Variants in IWS1 observed in about 807,000 individuals in gnomAD.
IWS1 encodes the protein interacts with SUPT6H, CTD assembly factor 1.
A neutral mutation model predicts 86.7 loss-of-function variants in IWS1; 27 were observed. That is an observed-to-expected ratio of 0.31 (90% confidence interval 0.23 to 0.43). The LOEUF (loss-of-function observed/expected upper bound fraction) is 0.43, where lower values mean the gene tolerates loss of function less well. Among genes scored for constraint, IWS1 ranks in the 20% least tolerant of loss-of-function variants. IWS1 has a pLI of 1.00. For missense variants in IWS1, 827 were observed against 1,000.8 expected (o/e 0.83, Z 2.34); for synonymous variants, 313 against 335.1 (o/e 0.93, Z 0.72).
chr2:127,520,907 G>T (rs1692058458), intron 2 of IWS1, among the ~76,000 whole-genome samples: 2 of 152,232 alleles, frequency 1.3e-5, no homozygotes, highest in African/African-American at 4.8e-5. Flanking sequence ...TACGCTTATT[G>T]AGAATCTTTA....
Position 127,489,847 on chromosome 2 carries a change from CGTT to C in IWS1, c.2141_2143del (p.Gln714del). The C allele has an allele frequency of 6.3e-7, 1 of 1,599,542 alleles. No individual in the cohort carries two copies. Among genetic ancestry groups the C allele is most frequent in the Non-Finnish European group, 8.6e-7 (1 of 1,166,746 alleles). Reference sequence around the variant, plus strand: ...TCCCTCATACCTGTTCATTCTTCGTCGTTGAGGCATCTGTTCTAGATCTCTCTG... The same window carrying C: ...TCCCTCATACCTGTTCATTCTTCGTCGAGGCATCTGTTCTAGATCTCTCTG... On this transcript the variant is annotated inframe_deletion, in exon 11 of 14. Coordinates refer to ENST00000295321, the MANE Select transcript of IWS1 (RefSeq NM_017969.3). This position sits in a 1 kb window ranked among gnomAD's most constrained non-coding sequence, Gnocchi z 4.8.
intron 2 of IWS1, among the ~76,000 whole-genome samples, chr2:127,513,033 G>A (rs1031987351): frequency 1.1e-4 from 17 of 152,220 alleles, no homozygotes; most frequent in Non-Finnish European, 1.6e-4. Context: ...CTGAGGTCAG[G>A]AGTTCAAGAC....
Position 127,492,015 on chromosome 2 carries a change from G to C in IWS1, c.2003C>G (p.Pro668Arg). ...GRAVMYLYKH[P>R]KESRSNKDMA... ...GTCCTTGTTAGACCTTGACTCCTTG[G>C]GGTGTTTATAGAGATACATCACTGC... The change falls in exon 10 of 14, where the codon CCC (proline) becomes CGC (arginine). Residue 668 changes from proline to arginine, a missense_variant. Physicochemically the swap from Pro to Arg is moderately radical, Grantham distance 103 (BLOSUM62 -2). Transcript: ENST00000295321. 3 of 1,613,604 alleles carry C rather than the reference G, an allele frequency of 1.9e-6. No homozygotes were observed. The highest frequency in any genetic ancestry group is 1.7e-6 in the Non-Finnish European group (2 of 1,179,696).
chr2:127,490,025 G>A, intron 10 of IWS1, 82 bp from the exon 11 acceptor site: 2 of 765,666 alleles, frequency 2.6e-6, no homozygotes, highest in South Asian at 2.9e-5. Flanking sequence ...CAGTGTGAGG[G>A]GATATTCTAG....
At chr2:127,483,591 T>TGGGGGGG (rs1187157658) in intron 13 of IWS1, among the ~76,000 whole-genome samples, 1 of 17,520 alleles carries the variant, frequency 5.7e-5, no homozygotes, top group Non-Finnish European at 1.0e-4. Context: ...GGTGGTGGGG[T>TGGGGGGG]GGGGGGGTTG....
intron 2 of IWS1, chr2:127,506,633 C>T (rs1052104994): frequency 6.0e-6 from 1 of 166,318 alleles, no homozygotes; most frequent in Non-Finnish European, 1.5e-5. Flanking sequence ...AGGCTCTCTC[C>T]TGTTAGTTCA....
intron 3 of IWS1, among the ~76,000 whole-genome samples, chr2:127,504,297 G>C (rs1170352608): frequency 1.3e-5 from 2 of 152,028 alleles, no homozygotes; most frequent in Non-Finnish European, 2.9e-5. Context: ...AGCTGTTACT[G>C]TTTGGATGGG....
chr2:127,526,530 A>T, upstream of IWS1: 1 of 1,459,784 alleles, frequency 6.9e-7, no homozygotes, highest in Non-Finnish European at 9.2e-7. Flanking sequence ...AGGCGCCGCA[A>T]CCCGTCAACC....
intron 2 of IWS1, chr2:127,511,085 T>C (rs1170566347): frequency 6.6e-6 from 1 of 152,242 alleles, no homozygotes; most frequent in Non-Finnish European, 1.5e-5. Context: ...TTACCAAGAA[T>C]ATCTTTCTTC....
At position 127,505,958 on chromosome 2, in the gene IWS1, T is replaced by G. The variant is rs1030729351; in HGVS notation, c.151-206A>C. The G allele has an allele frequency of 4.3e-6, 2 of 460,874 alleles. No homozygotes were observed. The highest frequency in any genetic ancestry group is 3.8e-6 in the Non-Finnish European group (1 of 263,830). 28.5% of individuals were successfully genotyped at this position (460,874 alleles called of 1,614,324 possible). On this transcript the variant is annotated intron_variant, in intron 2 of 13. Transcript: ENST00000295321. This position sits in a 1 kb window ranked among gnomAD's most constrained non-coding sequence, Gnocchi z 5.0. ...TTATTTGGATCCCCAAATGGGGAAATATAACCAGCCTTCATCAAAACAGAT... is the reference window on the plus strand; with the variant it reads ...TTATTTGGATCCCCAAATGGGGAAAGATAACCAGCCTTCATCAAAACAGAT...
Position 127,489,521 on chromosome 2 carries a change from T to G in IWS1, c.2160-286A>C. On this transcript the variant is annotated intron_variant, in intron 11 of 13. Transcript: ENST00000295321. The surrounding 1 kb of genome is among the most constrained non-coding windows in gnomAD (Gnocchi z 4.8). ...CAATACAAACTAAAACTATAACATT[T>G]TTTCTTCTAGGAACTCGGAAACGGG... is the stretch of plus-strand genomic sequence containing the variant. The G allele has an allele frequency of 2.0e-6, 1 of 499,568 alleles. No homozygotes were observed. Among genetic ancestry groups the G allele is most frequent in the South Asian group, 3.0e-5 (1 of 33,822 alleles). 30.9% of individuals were successfully genotyped at this position (499,568 alleles called of 1,614,324 possible).
chr2:127,522,052 T>C (rs1013316809), intron 2 of IWS1, among the ~76,000 whole-genome samples: 4 of 152,224 alleles, frequency 2.6e-5, no homozygotes, highest in African/African-American at 9.6e-5. Flanking sequence ...TGGAATTTAT[T>C]CTGAATGTTT....
At chr2:127,501,012 T>A (rs1322571662) in intron 5 of IWS1, among the ~76,000 whole-genome samples, 1 of 152,246 alleles carries the variant, frequency 6.6e-6, no homozygotes, top group Non-Finnish European at 1.5e-5. Context: ...ACTGCTGTCA[T>A]GTTTTAATTT....
intron 2 of IWS1, among the ~76,000 whole-genome samples, chr2:127,519,016 A>G (rs922942558): frequency 2.0e-5 from 3 of 152,130 alleles, no homozygotes; most frequent in African/African-American, 7.2e-5. Context: ...ATTGTTACTG[A>G]TCCTAACTTT....
chr2:127,505,219 T>A lies in IWS1; in HGVS notation c.684A>T (p.Glu228Asp). The A allele has an allele frequency of 6.2e-7, 1 of 1,612,868 alleles. No homozygotes were observed. The highest frequency in any genetic ancestry group is 1.1e-5 in the South Asian group (1 of 91,008). The change falls in exon 3 of 14, where the codon GAA becomes GAT. Residue 228 changes from glutamate (E) to aspartate (D), a missense_variant. By Grantham distance (45) the Glu-to-Asp change is conservative. Coordinates refer to ENST00000295321, the MANE Select transcript of IWS1 (RefSeq NM_017969.3). The surrounding 1 kb of genome is among the most constrained non-coding windows in gnomAD (Gnocchi z 5.0). ...AGTCACTGGCCTGGTGCCTTGGGGG[T>A]TCCTCACTTTCTGAATCACTGACCT... ...KPQVSDSESEEPPRHQASDSE... is the reference protein window; with the variant it reads ...KPQVSDSESEDPPRHQASDSE...
chr2:127,525,259 T>G (rs1170652003), intron 1 of IWS1, among the ~76,000 whole-genome samples: 1 of 152,116 alleles, frequency 6.6e-6, no homozygotes, highest in Non-Finnish European at 1.5e-5. Flanking sequence ...CGCACCTGGC[T>G]TAGGAAAGTG....
intron 6 of IWS1, among the ~76,000 whole-genome samples, chr2:127,497,733 G>C (rs1290063742): frequency 6.6e-6 from 1 of 152,152 alleles, no homozygotes; most frequent in Non-Finnish European, 1.5e-5. Flanking sequence ...AGATTTTTCT[G>C]AACATAGATT....
chr2:127,500,407 A>T (rs949686763), intron 5 of IWS1, among the ~76,000 whole-genome samples: 4 of 152,114 alleles, frequency 2.6e-5, no homozygotes, highest in Non-Finnish European at 5.9e-5. Flanking sequence ...AAGTGTGCAT[A>T]TATCTATAAA....
At chr2:127,500,647 G>C (rs879660558) in intron 5 of IWS1, among the ~76,000 whole-genome samples, 1 of 151,930 alleles carries the variant, frequency 6.6e-6, no homozygotes, top group Admixed American at 6.6e-5. Flanking sequence ...GTATATGGCT[G>C]GTTTTTAAGA....
Sources: allele counts gnomAD v4.1 joint callset (sites outside exome capture counted in the v4.1 genomes callset), GRCh38; gene constraint gnomAD v4.1.1; non-coding constraint Gnocchi (gnomAD v3.1); transcripts MANE v1.5; gene names NCBI Gene and HGNC (gene_info 2026-07-23, HGNC 2026-07-21).